Variants in PCDHA6 observed in about 807,000 individuals in gnomAD.
The protein encoded by PCDHA6 is protocadherin alpha-6.
In PCDHA6, 55 loss-of-function variants were observed where a neutral mutation model predicts 60.3. The observed-to-expected ratio is 0.91, with a 90% CI of 0.73 to 1.14. PCDHA6 has a LOEUF of 1.14. PCDHA6 is among the 50% of genes most tolerant of loss of function. The pLI is 0.00. For synonymous variants in PCDHA6, 652 were observed against 557.9 expected (o/e 1.17, Z -2.38); for missense variants, 1,327 against 1,256.5 (o/e 1.06, Z -0.85).
At chr5:140,900,559 G>A (rs542075943) in intron 1 of PCDHA6, among the ~76,000 whole-genome samples, 2 of 152,314 alleles carry the variant, frequency 1.3e-5, no homozygotes, top group African/African-American at 2.4e-5. Context: ...TTACAGGCGT[G>A]AGCCACGGCA....
intron 1 of PCDHA6, among the ~76,000 whole-genome samples, chr5:140,872,454 C>T (rs1410815153): frequency 1.3e-5 from 2 of 152,062 alleles, no homozygotes; most frequent in Non-Finnish European, 2.9e-5. Context: ...TAGCGAGATC[C>T]TGTCTCTATA....
At position 140,982,439 on chromosome 5, in the gene PCDHA6, G is replaced by A. The variant is rs553328430; in HGVS notation, c.2454-36G>A. The A allele has an allele frequency of 6.8e-5, 109 of 1,613,560 alleles. 3 individuals carry two copies. In the South Asian group the frequency reaches 1.0e-3, roughly 15 times the overall value. On this transcript the variant is annotated intron_variant, in intron 2 of 3. Transcript: ENST00000529310. ...GAAGAAGAGATGGGAAAGAATTTAT[G>A]ATCTAACCGTTATCTGGGTCTGTGT... is the stretch of plus-strand genomic sequence containing the variant.
chr5:140,868,199 A>G (rs1367327575), intron 1 of PCDHA6: 2 of 152,150 alleles, frequency 1.3e-5, no homozygotes, highest in East Asian at 1.9e-4. Flanking sequence ...TATGGCTTAC[A>G]TTAGAAATAA....
chr5:140,921,721 C>A (rs2080351320), intron 1 of PCDHA6, among the ~76,000 whole-genome samples: 2 of 152,068 alleles, frequency 1.3e-5, no homozygotes, highest in African/African-American at 4.8e-5. Context: ...ACACGAATTA[C>A]TCCCATAAAA....
At position 141,010,004 on chromosome 5, in the gene PCDHA6, A is replaced by T; in HGVS notation, c.*67A>T. 1 of 1,573,418 alleles carries T rather than the reference A, an allele frequency of 6.4e-7. No individual in the cohort carries two copies. The highest frequency in any genetic ancestry group is 8.6e-7 in the Non-Finnish European group (1 of 1,163,824). ...TAATGGCAAATCTCTCCCATGTAGC[A>T]ATTCCCTGCTCCTTTTTCCTATCTA... On this transcript the variant is annotated 3_prime_UTR_variant, in exon 4 of 4. Transcript: ENST00000529310.
At position 140,828,716 on chromosome 5, in the gene PCDHA6, A is replaced by C. The variant is rs142386076; in HGVS notation, c.625A>C (p.Asn209His). The change falls in exon 1 of 4, where the codon AAC (asparagine) becomes CAC (histidine). Residue 209 changes from asparagine to histidine, a missense_variant. Physicochemically the swap from Asn to His is moderately conservative, Grantham distance 68 (BLOSUM62 1). Coordinates refer to ENST00000529310, the MANE Select transcript of PCDHA6 (RefSeq NM_018909.4). ...SLDREEAPAH[N>H]LFLTATDGGK... ...GGACAGAGAGGAAGCTCCTGCACACAACTTATTCCTGACAGCCACAGATGG... is the reference window on the plus strand; with the variant it reads ...GGACAGAGAGGAAGCTCCTGCACACCACTTATTCCTGACAGCCACAGATGG... The C allele has an allele frequency of 1.3e-4, 211 of 1,614,274 alleles. No homozygotes were observed. In the African/African-American group the frequency reaches 2.2e-3, roughly 17 times the overall value.
In PCDHA6 at chr5:140,828,072, T is replaced by C. The variant is rs2150150600; in HGVS notation, c.-20T>C. 2 of 1,566,666 alleles carry C rather than the reference T, an allele frequency of 1.3e-6. No homozygotes were observed. The highest frequency in any genetic ancestry group is 1.7e-6 in the Non-Finnish European group (2 of 1,158,332). On this transcript the variant is annotated 5_prime_UTR_variant, in exon 1 of 4. Coordinates refer to ENST00000529310, the MANE Select transcript of PCDHA6 (RefSeq NM_018909.4). ...TATGCGGAAGATCTTCTAATGGAAATAAAACCAGAGGTATTTGACATGGTG... is the reference window on the plus strand; with the variant it reads ...TATGCGGAAGATCTTCTAATGGAAACAAAACCAGAGGTATTTGACATGGTG...
intron 1 of PCDHA6, chr5:140,884,714 C>A: frequency 1.4e-6 from 2 of 1,471,312 alleles, no homozygotes; most frequent in Non-Finnish European, 9.0e-7. Context: ...GCCTTCCTTG[C>A]AGTTGTTTGT....
intron 1 of PCDHA6, among the ~76,000 whole-genome samples, chr5:140,905,229 G>A (rs2071688415): frequency 6.6e-6 from 1 of 152,156 alleles, no homozygotes; most frequent in African/African-American, 2.4e-5. Flanking sequence ...TGAGAGATGA[G>A]GATCCAGTTT....
chr5:140,904,797 C>T (rs2071388214), intron 1 of PCDHA6, among the ~76,000 whole-genome samples: 1 of 152,022 alleles, frequency 6.6e-6, no homozygotes, highest in East Asian at 1.9e-4. Context: ...TTTGCATTTT[C>T]CTGATAATTA....
At chr5:140,926,115 A>G (rs1554203115) in intron 1 of PCDHA6, among the ~76,000 whole-genome samples, 1 of 152,134 alleles carries the variant, frequency 6.6e-6, no homozygotes, top group East Asian at 1.9e-4. Context: ...AGGGTGCAGG[A>G]CAGACTTCAA....
At chr5:140,847,990 T>C (rs1781276116) in intron 1 of PCDHA6, 1 of 156,442 alleles carries the variant, frequency 6.4e-6, no homozygotes, top group South Asian at 1.8e-4. Flanking sequence ...AGATTCTGAA[T>C]TCCAGAACAA....
At chr5:140,875,772 G>A (rs781933974) in intron 1 of PCDHA6, 37 of 1,614,136 alleles carry the variant, frequency 2.3e-5, no homozygotes, top group South Asian at 3.3e-5. Flanking sequence ...GGCGGAGCGC[G>A]GAGTGCAGTA....
At chr5:140,956,629 G>A (rs1554222520) in intron 1 of PCDHA6, among the ~76,000 whole-genome samples, 1 of 152,060 alleles carries the variant, frequency 6.6e-6, no homozygotes, top group Non-Finnish European at 1.5e-5. Flanking sequence ...TTGCATCTCT[G>A]CCAGGTTTTG....
intron 1 of PCDHA6, among the ~76,000 whole-genome samples, chr5:140,890,993 AT>A (rs2062889744): frequency 6.6e-6 from 1 of 152,134 alleles, no homozygotes; most frequent in Non-Finnish European, 1.5e-5. Flanking sequence ...TTATTTCATC[AT>A]AATTATTGAA....
At chr5:140,867,805 T>C (rs1260432905) in intron 1 of PCDHA6, 1 of 152,150 alleles carries the variant, frequency 6.6e-6, no homozygotes. Flanking sequence ...GCATTTTCTA[T>C]GAAATTCCAT....
At chr5:140,960,079 A>G (rs1006555188) in intron 1 of PCDHA6, among the ~76,000 whole-genome samples, 1 of 152,228 alleles carries the variant, frequency 6.6e-6, no homozygotes, top group African/African-American at 2.4e-5. Flanking sequence ...TGAAGTTTCT[A>G]AAAGAGAAAG....
At position 140,849,254 on chromosome 5, in the gene PCDHA6, A is replaced by C. The variant is rs2150433667; in HGVS notation, c.2394+18769A>C. The stretch of plus-strand genomic sequence containing the variant: ...CCCTGTATACGGTGAAATTACCAGA[A>C]AACGTTTCTATCGGAACGCTGGTGA... On this transcript the variant is annotated intron_variant, in intron 1 of 3. Coordinates refer to ENST00000529310, the MANE Select transcript of PCDHA6 (RefSeq NM_018909.4). The C allele has an allele frequency of 1.6e-4, 171 of 1,103,146 alleles. 11 individuals are homozygous for C. In the South Asian group the frequency reaches 1.7e-3, roughly 11 times the overall value. 68.3% of individuals were successfully genotyped at this position (1,103,146 alleles called of 1,614,324 possible). A position where few individuals can be genotyped will look rare whatever the true frequency, so the allele number is the denominator to read the frequency against.
chr5:141,002,598 C>T (rs2098087385), intron 3 of PCDHA6, among the ~76,000 whole-genome samples: 1 of 152,212 alleles, frequency 6.6e-6, no homozygotes, highest in Admixed American at 6.5e-5. Flanking sequence ...GTCCCCTCAT[C>T]TATAAAACAG....
Sources: gnomAD v4.1 joint callset for allele counts (sites outside exome capture counted in the v4.1 genomes callset) on GRCh38, gnomAD v4.1.1 for gene constraint, MANE v1.5 for transcripts, NCBI Gene and HGNC (gene_info 2026-07-23, HGNC 2026-07-21) for gene names.